ERICH1: variants seen among roughly 807,000 people sequenced by gnomAD.
ERICH1 encodes glutamate-rich protein 1.
Under a neutral mutation model 39.6 loss-of-function variants are expected in ERICH1, and 56 were observed. That is an observed-to-expected ratio of 1.41 (90% CI 1.14 to 1.77). The LOEUF is 1.77. ERICH1 is among the 40% of genes most tolerant of loss of function. ERICH1 has a pLI of 0.00. For synonymous variants in ERICH1, 313 were observed against 223.6 expected (o/e 1.40, Z -3.57); for missense variants, 826 against 575.4 (o/e 1.44, Z -4.45).
At chr8:660,500 C>G (rs1801262813), downstream of ERICH1, among the ~76,000 whole-genome samples, 1 of 152,226 alleles carries the variant, frequency 6.6e-6, no homozygotes, top group East Asian at 1.9e-4. Flanking sequence ...GTCCTGCGGC[C>G]ACACGAACAG....
At chr8:615,350 AG>A in intron 3 of ERICH1, 1 of 608,502 alleles carries the variant, frequency 1.6e-6, no homozygotes, top group Non-Finnish European at 2.9e-6. Flanking sequence ...ATTGATCCAC[AG>A]ATGTGTGCCG....
intron 3 of ERICH1, among the ~76,000 whole-genome samples, chr8:642,019 G>C (rs6987713): frequency 0.5 from 76,645 of 152,152 alleles, 19,518 homozygotes; most frequent in Non-Finnish European, 0.56. Flanking sequence ...GACCATGTAT[G>C]AAAATGGCCT....
At chr8:704,284 A>T (rs866179733) in intron 2 of ERICH1, among the ~76,000 whole-genome samples, 2 of 152,330 alleles carry the variant, frequency 1.3e-5, no homozygotes, top group South Asian at 4.1e-4. Context: ...CCAGGACAGC[A>T]AAGGAAGCCC....
chr8:681,845 C>A (rs1482081505), intron 3 of ERICH1, among the ~76,000 whole-genome samples: 2 of 152,208 alleles, frequency 1.3e-5, no homozygotes, highest in Non-Finnish European at 2.9e-5. Flanking sequence ...CGCTTCCCTG[C>A]AAAATCCAGT....
intron 5 of ERICH1, chr8:667,622 G>C (rs1231314537): frequency 2.0e-5 from 3 of 153,164 alleles, no homozygotes; most frequent in Non-Finnish European, 2.9e-5. Flanking sequence ...TGACGGATGA[G>C]GGCGTTCTGC....
intron 1 of ERICH1, among the ~76,000 whole-genome samples, chr8:720,740 T>A (rs1461829709): frequency 6.6e-6 from 1 of 152,222 alleles, no homozygotes; most frequent in Non-Finnish European, 1.5e-5. Context: ...TAAACTGGTT[T>A]AAGTATCATG....
At chr8:639,129 C>G (rs536250961) in intron 3 of ERICH1, among the ~76,000 whole-genome samples, 9 of 152,278 alleles carry the variant, frequency 5.9e-5, no homozygotes, top group African/African-American at 1.4e-4. Context: ...TTTTCCCCAT[C>G]TGGGGAAGCT....
chr8:710,210 C>G (rs1814383268), intron 2 of ERICH1, among the ~76,000 whole-genome samples: 1 of 152,192 alleles, frequency 6.6e-6, no homozygotes, highest in African/African-American at 2.4e-5. Context: ...ATGAGATGCG[C>G]CCACCATGAC....
rs1244629374 is a variant in ERICH1 at position 698,013 on chromosome 8, G to A, written c.170-5401C>T. On this transcript the variant is annotated intron_variant, in intron 2 of 5. Coordinates refer to ENST00000262109, the MANE Select transcript of ERICH1 (RefSeq NM_207332.3). Reference sequence around the variant, plus strand: ...GTTGGAGAGCTCACGGGGGCCACCGGCGTGTACCTGTGACATGGAGCCCTC... The same window carrying A: ...GTTGGAGAGCTCACGGGGGCCACCGACGTGTACCTGTGACATGGAGCCCTC... Among the ~76,000 whole-genome samples the A allele has an allele frequency of 3.9e-5, 6 of 152,272 alleles. No homozygotes were observed. The East Asian group carries it at 1.2e-3, about 30-fold the overall frequency.
intron 2 of ERICH1, among the ~76,000 whole-genome samples, chr8:710,194 C>T (rs530616964): frequency 8.5e-5 from 13 of 152,276 alleles, no homozygotes; most frequent in African/African-American, 9.6e-5. Flanking sequence ...TTGAAGCAAA[C>T]GCAGAATGAG....
At chr8:631,850 C>T (rs903547945) in intron 3 of ERICH1, among the ~76,000 whole-genome samples, 1 of 152,010 alleles carries the variant, frequency 6.6e-6, no homozygotes, top group Non-Finnish European at 1.5e-5. Context: ...GTGCCGCCCC[C>T]CGACCCCCGC....
chr8:702,849 C>T (rs975976615), intron 2 of ERICH1, among the ~76,000 whole-genome samples: 4 of 152,168 alleles, frequency 2.6e-5, no homozygotes, highest in African/African-American at 7.2e-5. Flanking sequence ...CTGGATGCCC[C>T]GGGAACCAGA....
intron 2 of ERICH1, among the ~76,000 whole-genome samples, chr8:694,877 C>G (rs1192290073): frequency 1.3e-5 from 2 of 152,176 alleles, no homozygotes; most frequent in African/African-American, 4.8e-5. Flanking sequence ...ATCATCTCCT[C>G]CGCCGGACGC....
At chr8:616,823 GGA>G (rs74212232) in intron 3 of ERICH1, among the ~76,000 whole-genome samples, 1 of 76,246 alleles carries the variant, frequency 1.3e-5, no homozygotes. Context: ...AGAGACGGGG[GGA>G]GAGAGAGAGA....
intron 3 of ERICH1, among the ~76,000 whole-genome samples, chr8:687,641 C>A (rs995670261): frequency 5.3e-5 from 8 of 152,152 alleles, no homozygotes; most frequent in African/African-American, 1.9e-4. Flanking sequence ...GAAGGCAGCG[C>A]GCGGGGAGCG....
chr8:712,123 A>C (rs1176034629), intron 2 of ERICH1, among the ~76,000 whole-genome samples: 1 of 152,118 alleles, frequency 6.6e-6, no homozygotes, highest in Non-Finnish European at 1.5e-5. Flanking sequence ...TCTGTTGGCT[A>C]TTCTCAGTCT....
intron 2 of ERICH1, among the ~76,000 whole-genome samples, chr8:711,053 A>G (rs368597019): frequency 1.4e-4 from 21 of 152,286 alleles, no homozygotes; most frequent in African/African-American, 5.1e-4. Flanking sequence ...TGTCCATTCT[A>G]GTAGGTATGT....
At chr8:627,603 G>A (rs145605145) in intron 3 of ERICH1, among the ~76,000 whole-genome samples, 108 of 152,358 alleles carry the variant, frequency 7.1e-4, no homozygotes, top group African/African-American at 2.5e-3. Flanking sequence ...CGCAGGCCAA[G>A]CACCTTGTCC....
intron 3 of ERICH1, among the ~76,000 whole-genome samples, chr8:622,265 A>T (rs1563160988): frequency 6.6e-6 from 1 of 152,202 alleles, no homozygotes; most frequent in East Asian, 1.9e-4. Flanking sequence ...TATGGTCTGA[A>T]TGTTTGTATC....
Sources: gnomAD v4.1 joint callset for allele counts (sites outside exome capture counted in the v4.1 genomes callset) on GRCh38, gnomAD v4.1.1 for gene constraint, MANE v1.5 for transcripts, NCBI Gene and HGNC (gene_info 2026-07-23, HGNC 2026-07-21) for gene names.